Variants in RPL28 observed in about 807,000 individuals in gnomAD.
The protein encoded by RPL28 is ribosomal protein L28, also known as large ribosomal subunit protein eL28.
A neutral mutation model predicts 12.5 loss-of-function variants in RPL28; 4 were observed. That is an observed-to-expected ratio of 0.32 (90% CI 0.16 to 0.73). The LOEUF (loss-of-function observed/expected upper bound fraction) is 0.73. Ranked by LOEUF, RPL28 falls within the 30% of genes least tolerant of loss-of-function variation. The pLI is 0.66. For missense variants in RPL28, 214 were observed against 197.7 expected, an observed-to-expected ratio of 1.08 and a Z score of -0.49; for synonymous variants, 91 against 72.5, an observed-to-expected ratio of 1.26 and a Z score of -1.30.
chr19:55,391,678 ACTC>A lies in RPL28; in HGVS notation c.*3347_*3349del. 1.3e-6 allele frequency: 2 copies of A among 1,540,392 alleles called. No homozygotes were observed. The highest frequency in any genetic ancestry group is 1.8e-6 in the Non-Finnish European group (2 of 1,137,080). ...AACATGCGTGTCGATAGACCCTACT[ACTC>A]AGGGTTGATGAGAAGATTAAATGTG... On this transcript the variant is annotated 3_prime_UTR_variant, in exon 5 of 5. Transcript: ENST00000344063.
intron 4 of RPL28, chr19:55,400,047 CAAGG>C (rs994085521): frequency 2.6e-5 from 4 of 152,144 alleles, no homozygotes; most frequent in African/African-American, 9.7e-5. Context: ...GGCAAGGGCT[CAAGG>C]AAGGGTCAGA....
At chr19:55,392,917 C>G (rs2090000486), downstream of RPL28, among the ~76,000 whole-genome samples, 1 of 152,126 alleles carries the variant, frequency 6.6e-6, no homozygotes, top group Non-Finnish European at 1.5e-5. Context: ...ACTGGGCTGT[C>G]TCTCCATCAG....
At chr19:55,387,526 A>G in intron 3 of RPL28, 7 of 1,434,794 alleles carry the variant, frequency 4.9e-6, no homozygotes, top group Non-Finnish European at 6.4e-6. Flanking sequence ...GGCCTGAGTG[A>G]GGCTGGGCCT....
At chr19:55,397,012 T>A (rs904501033), downstream of RPL28, among the ~76,000 whole-genome samples, 1 of 152,108 alleles carries the variant, frequency 6.6e-6, no homozygotes, top group Non-Finnish European at 1.5e-5. Context: ...CCTGAGTAGC[T>A]GGGACTACAG....
chr19:55,392,405 A>G (rs937329402), downstream of RPL28, among the ~76,000 whole-genome samples: 4 of 151,970 alleles, frequency 2.6e-5, no homozygotes, highest in Admixed American at 1.3e-4. Context: ...TAATTTAAAA[A>G]GATATTTTGT....
chr19:55,387,768 G>A, intron 3 of RPL28, 162 bp from the exon 4 acceptor site: 1 of 1,462,032 alleles, frequency 6.8e-7, no homozygotes, highest in Non-Finnish European at 9.0e-7. Flanking sequence ...GAGCCTCTGT[G>A]AAATGGACAG....
In RPL28 at chr19:55,386,608, C is replaced by T. The variant is rs1392463156; in HGVS notation, c.120C>T (p.Tyr40=). The change falls in exon 3 of 5, where the codon TAC becomes TAT. Residue 40 remains tyrosine, a synonymous_variant. Transcript: ENST00000344063. ...NNLKARNSFR[Y]NGLIHRKTVG... ...TGAAGGCCCGCAATTCCTTCCGCTA[C>T]AACGGACTGATTCACCGCAAGACTG... 15 of 1,613,292 alleles carry T rather than the reference C, an allele frequency of 9.3e-6. No individual in the cohort carries two copies. Among genetic ancestry groups the T allele is most frequent in the Non-Finnish European group, 1.1e-5 (13 of 1,179,430 alleles).
chr19:55,402,884 C>A, intron 4 of RPL28: 1 of 1,413,758 alleles, frequency 7.1e-7, no homozygotes, highest in South Asian at 1.3e-5. Context: ...ATTCCCCACC[C>A]TCTCTGCCAT....
At position 55,385,954 on chromosome 19, in the gene RPL28, C is replaced by G; in HGVS notation, c.-20C>G. 1 of 244,680 alleles carries G rather than the reference C, an allele frequency of 4.1e-6. No individual in the cohort carries two copies. Among genetic ancestry groups the G allele is most frequent in the Non-Finnish European group, 8.4e-6 (1 of 118,954 alleles). 15.2% of individuals were successfully genotyped at this position (244,680 alleles called of 1,614,324 possible). On this transcript the variant is annotated 5_prime_UTR_variant, in exon 1 of 5. Coordinates refer to ENST00000344063, the MANE Select transcript of RPL28 (RefSeq NM_000991.5). ...TTCCTCTTTCCGTCTCAGGTCGCCGCTGCGAAGGGAGGTGAGCGTTCGTCT... is the reference window on the plus strand; with the variant it reads ...TTCCTCTTTCCGTCTCAGGTCGCCGGTGCGAAGGGAGGTGAGCGTTCGTCT...
Position 55,390,342 on chromosome 19 carries a change from T to G in RPL28, c.*2010T>G. 1.4e-6 allele frequency: 1 copy of G among 703,032 alleles called. No homozygotes were observed. Among genetic ancestry groups the G allele is most frequent in the Non-Finnish European group, 1.7e-6 (1 of 572,574 alleles). The allele number at this position is 703,032 out of a possible 1,614,324, so 43.5% of individuals were successfully genotyped here. A position where few individuals can be genotyped will look rare whatever the true frequency, so the allele number is the denominator to read the frequency against. ...GCCTCAGCCTCCCGAGTAGCTGGGA[T>G]TACAGGTGGGTGTCACCACACCCAG... On this transcript the variant is annotated 3_prime_UTR_variant, in exon 5 of 5. Coordinates refer to ENST00000344063, the MANE Select transcript of RPL28 (RefSeq NM_000991.5).
downstream of RPL28, among the ~76,000 whole-genome samples, chr19:55,392,604 G>C (rs557883467): frequency 0.032 from 4,860 of 151,714 alleles, 272 homozygotes; most frequent in African/African-American, 0.11. Flanking sequence ...GCGACCTCGG[G>C]TGAGCTACGC....
chr19:55,389,147 G>C lies in RPL28; in HGVS notation c.*815G>C. 2 of 984,990 alleles carry C rather than the reference G, an allele frequency of 2.0e-6. No individual in the cohort carries two copies. Among genetic ancestry groups the C allele is most frequent in the Non-Finnish European group, 2.4e-6 (2 of 829,556 alleles). The allele number at this position is 984,990 out of a possible 1,614,324, so 61.0% of individuals were successfully genotyped here. On this transcript the variant is annotated 3_prime_UTR_variant, in exon 5 of 5. Transcript: ENST00000344063. ...GTGTTTATTACAGCTTGTGAGGCCA[G>C]GAGTTTGAGACCATCCTAGGCAACA...
chr19:55,397,066 GAC>G (rs2090029287), downstream of RPL28, among the ~76,000 whole-genome samples: 1 of 152,038 alleles, frequency 6.6e-6, no homozygotes, highest in Non-Finnish European at 1.5e-5. Flanking sequence ...TTTTTGTACA[GAC>G]AGGGTTTCGC....
intron 3 of RPL28, 39 bp from the exon 4 acceptor site, chr19:55,387,891 A>T (rs779991532): frequency 1.3e-6 from 2 of 1,528,082 alleles, no homozygotes; most frequent in Non-Finnish European, 1.8e-6. Context: ...GGTGCAGGTT[A>T]GGTGGACTGA....
intron 4 of RPL28, among the ~76,000 whole-genome samples, chr19:55,397,931 C>T (rs1049584243): frequency 2.0e-5 from 3 of 152,082 alleles, no homozygotes; most frequent in African/African-American, 4.8e-5. Flanking sequence ...CGTGGTGGCT[C>T]ATGCCTGTAA....
At position 55,391,853 on chromosome 19, in the gene RPL28, C is replaced by A; in HGVS notation, c.*3521C>A. The A allele has an allele frequency of 7.2e-7, 1 of 1,391,258 alleles. No individual in the cohort carries two copies. The highest frequency in any genetic ancestry group is 9.4e-7 in the Non-Finnish European group (1 of 1,063,854). 86.2% of individuals were successfully genotyped at this position (1,391,258 alleles called of 1,614,324 possible). A position where few individuals can be genotyped will look rare whatever the true frequency, so the allele number is the denominator to read the frequency against. ...GTACACAAACTAATGCTCGTGTTTC[C>A]CAAGCACCTGGAAGACATGCCAGAT... On this transcript the variant is annotated 3_prime_UTR_variant, in exon 5 of 5. Transcript: ENST00000344063.
intron 4 of RPL28, chr19:55,402,882 C>T (rs971458093): frequency 7.9e-6 from 11 of 1,397,430 alleles, no homozygotes; most frequent in Middle Eastern, 2.0e-4. Flanking sequence ...CAATTCCCCA[C>T]CCTCTCTGCC....
At chr19:55,396,534 T>A (rs568571193), downstream of RPL28, among the ~76,000 whole-genome samples, 115 of 664 alleles carry the variant, frequency 0.17, 28 homozygotes, top group African/African-American at 0.52. Flanking sequence ...TCCCCTCCCC[T>A]CCCCTCCCCT....
chr19:55,394,542 T>A (rs1331831282), downstream of RPL28, among the ~76,000 whole-genome samples: 2 of 151,956 alleles, frequency 1.3e-5, no homozygotes, highest in Non-Finnish European at 2.9e-5. Context: ...ATTACAGGTG[T>A]GAGCCACTGC....
Sources: allele counts gnomAD v4.1 joint callset (sites outside exome capture counted in the v4.1 genomes callset), GRCh38; gene constraint gnomAD v4.1.1; transcripts MANE v1.5; gene names NCBI Gene and HGNC (gene_info 2026-07-23, HGNC 2026-07-21).